Variants in SEMA3C observed in about 807,000 individuals in gnomAD.
SEMA3C encodes the protein semaphorin 3C.
SEMA3C carries 47 observed loss-of-function variants against 89.4 expected under a neutral mutation model. The observed-to-expected ratio is 0.53, with a 90% CI of 0.42 to 0.67. The LOEUF is 0.67. Ranked by LOEUF, SEMA3C falls within the 30% of genes least tolerant of loss-of-function variation. The pLI is 0.00. For synonymous variants in SEMA3C, 310 were observed against 320.2 expected, an observed-to-expected ratio of 0.97 and a Z score of 0.34; for missense variants, 839 against 929.1, an observed-to-expected ratio of 0.90 and a Z score of 1.26.
At chr7:80,879,285 C>T (rs560103783) in intron 2 of SEMA3C, among the ~76,000 whole-genome samples, 4 of 152,172 alleles carry the variant, frequency 2.6e-5, no homozygotes, top group South Asian at 4.2e-4. Flanking sequence ...CTGAGCAGGA[C>T]TTCCTGGAGG....
intron 11 of SEMA3C, among the ~76,000 whole-genome samples, chr7:80,790,908 A>C (rs1331351667): frequency 6.6e-6 from 1 of 152,226 alleles, no homozygotes; most frequent in Non-Finnish European, 1.5e-5. Context: ...GACTTATAAC[A>C]GAGCTGGTTA....
intron 2 of SEMA3C, among the ~76,000 whole-genome samples, chr7:80,880,413 G>C (rs1791305598): frequency 6.6e-6 from 1 of 152,190 alleles, no homozygotes; most frequent in African/African-American, 2.4e-5. Context: ...CTCTAACTCA[G>C]TATCTGGCAC....
chr7:80,919,729 C>T (rs1385283281), upstream of SEMA3C, among the ~76,000 whole-genome samples: 1 of 152,000 alleles, frequency 6.6e-6, no homozygotes, highest in Admixed American at 6.5e-5. Context: ...GCTGGGACTA[C>T]AGGCTCCCAC....
At chr7:80,784,199 T>A (rs934480525) in intron 12 of SEMA3C, among the ~76,000 whole-genome samples, 3 of 151,856 alleles carry the variant, frequency 2.0e-5, no homozygotes, top group African/African-American at 7.3e-5. Context: ...AAGCAGTAGG[T>A]GGCAAAGTTA....
chr7:80,820,575 A>T (rs775320113), intron 4 of SEMA3C, among the ~76,000 whole-genome samples: 1 of 152,104 alleles, frequency 6.6e-6, no homozygotes, highest in Non-Finnish European at 1.5e-5. Context: ...TTTTATTATT[A>T]AATAATCAAT....
chr7:80,863,672 T>TATATATATAC (rs575409973), intron 2 of SEMA3C, among the ~76,000 whole-genome samples: 1 of 143,522 alleles, frequency 7.0e-6, no homozygotes, highest in Non-Finnish European at 1.5e-5. Flanking sequence ...TATATATATA[T>TATATATATAC]ACACACATAT....
intron 2 of SEMA3C, among the ~76,000 whole-genome samples, chr7:80,848,345 TA>T (rs2115922090): frequency 6.6e-6 from 1 of 152,314 alleles, no homozygotes; most frequent in Admixed American, 6.5e-5. Flanking sequence ...CTCTTGATTG[TA>T]GTCCTCTACC....
rs75111752 is a variant in SEMA3C, at chr7:80,904,695, A to G, written c.103+11984T>C. On this transcript the variant is annotated intron_variant, in intron 2 of 17. Transcript: ENST00000265361. ...GTTCCCTGACACTTTCATGTTGTGT[A>G]ACAGAAACTGCATTTTAGGGATTGG... Among the ~76,000 whole-genome samples, 126 of 152,300 alleles carry G rather than the reference A, an allele frequency of 8.3e-4. 1 individual carries two copies. The highest frequency in any genetic ancestry group is 2.8e-3 in the African/African-American group (115 of 41,564).
At chr7:80,829,119 A>G (rs1789950713) in intron 2 of SEMA3C, among the ~76,000 whole-genome samples, 1 of 152,088 alleles carries the variant, frequency 6.6e-6, no homozygotes, top group South Asian at 2.1e-4. Flanking sequence ...GTGAGCTATG[A>G]TCATGCTACT....
intron 12 of SEMA3C, among the ~76,000 whole-genome samples, chr7:80,776,906 G>A (rs147067101): frequency 1.2e-4 from 19 of 152,056 alleles, no homozygotes; most frequent in African/African-American, 4.3e-4. Context: ...AACAGTATTG[G>A]ACACGTGACA....
chr7:80,751,221 G>A (rs1472668263), intron 16 of SEMA3C, 48 bp downstream of exon 16: 1 of 1,426,598 alleles, frequency 7.0e-7, no homozygotes, highest in East Asian at 2.3e-5. Flanking sequence ...ATGTGATACG[G>A]AGCATTGCTA....
At position 80,766,537 on chromosome 7, in the gene SEMA3C, C is replaced by T. The variant is rs2178027; in HGVS notation, c.1355-1294G>A. Among the ~76,000 whole-genome samples the T allele has an allele frequency of 0.024, 3,673 of 152,262 alleles. 272 individuals carry two copies. The East Asian group carries it at 0.29, about 12-fold the overall frequency. On this transcript the variant is annotated intron_variant, in intron 12 of 17. Transcript: ENST00000265361. ...ATTTAAACTCCAAAAAATTCTGTAACGGGGCCTTTGAGACCCTATGCTCAG... is the reference window on the plus strand; with the variant it reads ...ATTTAAACTCCAAAAAATTCTGTAATGGGGCCTTTGAGACCCTATGCTCAG...
intron 4 of SEMA3C, among the ~76,000 whole-genome samples, chr7:80,825,082 A>T (rs1789840076): frequency 6.6e-6 from 1 of 152,186 alleles, no homozygotes; most frequent in South Asian, 2.1e-4. Context: ...AACTTTTAAG[A>T]AGTTCTTAAG....
In SEMA3C at chr7:80,804,201, T is replaced by C. The variant is rs755611762; in HGVS notation, c.706A>G (p.Asn236Asp). Residue 236 changes from asparagine to aspartate, a missense_variant, in exon 8 of 18, where the codon AAT becomes GAT. By Grantham distance (23) the Asn-to-Asp change is conservative. Coordinates refer to ENST00000265361, the MANE Select transcript of SEMA3C (RefSeq NM_006379.5). ...AHVIPDGTDP[N>D]DAKVYFFFKE... The stretch of plus-strand genomic sequence containing the variant: ...AAGAAGAAGTACACCTTAGCATCAT[T>C]TGGATCAGTACCATCTGGGATGACA... 6.2e-6 allele frequency: 10 copies of C among 1,612,558 alleles called. No individual in the cohort carries two copies. The East Asian group carries it at 2.2e-4, about 36-fold the overall frequency.
chr7:80,901,713 T>C (rs1791884736), intron 2 of SEMA3C, among the ~76,000 whole-genome samples: 1 of 152,248 alleles, frequency 6.6e-6, no homozygotes. Context: ...TTTCATTTCA[T>C]AAAATAGTTG....
At chr7:80,773,062 T>C (rs1788469491) in intron 12 of SEMA3C, among the ~76,000 whole-genome samples, 1 of 152,200 alleles carries the variant, frequency 6.6e-6, no homozygotes, top group Non-Finnish European at 1.5e-5. Flanking sequence ...CAGTATAATT[T>C]TTTAAACCTA....
At chr7:80,774,379 A>G (rs768169165) in intron 12 of SEMA3C, among the ~76,000 whole-genome samples, 2 of 152,214 alleles carry the variant, frequency 1.3e-5, no homozygotes, top group Admixed American at 6.5e-5. Context: ...CAGATGCTGG[A>G]CTTAGCAAAT....
At chr7:80,922,267 T>A, upstream of SEMA3C, 1 of 1,288,882 alleles carries the variant, frequency 7.8e-7, no homozygotes, top group African/African-American at 1.5e-5. Context: ...CCTCTTACCT[T>A]TTTTGCTTAA....
intron 11 of SEMA3C, among the ~76,000 whole-genome samples, chr7:80,792,978 T>C (rs972782744): frequency 1.3e-5 from 2 of 152,220 alleles, no homozygotes; most frequent in African/African-American, 4.8e-5. Flanking sequence ...TTATTGAAAC[T>C]TCAAGATAAC....
Sources: allele counts gnomAD v4.1 joint callset (sites outside exome capture counted in the v4.1 genomes callset), GRCh38; gene constraint gnomAD v4.1.1; transcripts MANE v1.5; gene names NCBI Gene and HGNC (gene_info 2026-07-23, HGNC 2026-07-21).